The following PRKCE variants were observed in gnomAD, a reference collection of about 807,000 sequenced individuals.
PRKCE encodes protein kinase C epsilon, also known as protein kinase C epsilon type.
A neutral mutation model predicts 85.4 loss-of-function variants in PRKCE; 16 were observed. That is an observed-to-expected ratio of 0.19 (90% CI 0.13 to 0.28). The LOEUF (loss-of-function observed/expected upper bound fraction) is 0.28. Among genes scored for constraint, PRKCE ranks in the 10% least tolerant of loss-of-function variants. PRKCE has a pLI of 1.00. For missense variants in PRKCE, 573 were observed against 975.2 expected, an observed-to-expected ratio of 0.59 and a Z score of 5.49; for synonymous variants, 388 against 371.5, an observed-to-expected ratio of 1.04 and a Z score of -0.51.
chr2:45,674,414 G>C (rs956470632), intron 1 of PRKCE, among the ~76,000 whole-genome samples: 1 of 152,156 alleles, frequency 6.6e-6, no homozygotes, highest in Non-Finnish European at 1.5e-5. Flanking sequence ...ATGGACTTTT[G>C]GGTCAAGAGG....
intron 2 of PRKCE, among the ~76,000 whole-genome samples, chr2:45,928,539 G>T (rs1294085125): frequency 6.6e-6 from 1 of 152,192 alleles, no homozygotes; most frequent in Non-Finnish European, 1.5e-5. Flanking sequence ...CAAAGTGCTA[G>T]GATTACAGGC....
At chr2:45,824,342 CA>C (rs1414152117) in intron 1 of PRKCE, among the ~76,000 whole-genome samples, 1 of 152,152 alleles carries the variant, frequency 6.6e-6, no homozygotes, top group Non-Finnish European at 1.5e-5. Context: ...AAGCCCTTAC[CA>C]TTGTGAATCC....
chr2:45,748,416 C>G (rs1425120035), intron 1 of PRKCE, among the ~76,000 whole-genome samples: 4 of 152,236 alleles, frequency 2.6e-5, no homozygotes, highest in African/African-American at 9.6e-5. Flanking sequence ...AGAGCGCAAG[C>G]AAGCTTCACA....
intron 1 of PRKCE, among the ~76,000 whole-genome samples, chr2:45,709,085 T>C (rs1679376206): frequency 6.6e-6 from 1 of 152,258 alleles, no homozygotes; most frequent in African/African-American, 2.4e-5. Context: ...AAGTGGGATT[T>C]GTGGAACTTA....
At chr2:46,097,519 C>CAAAAAAAAAAAAAAAAAAAAAAAAAAAA (rs66634467) in intron 11 of PRKCE, among the ~76,000 whole-genome samples, 77 of 94,076 alleles carry the variant, frequency 8.2e-4, no homozygotes, top group Non-Finnish European at 1.2e-3. Context: ...GACTCCGTCT[C>CAAAAAAAAAAAAAAAAAAAAAAAAAAAA]AAAAAAAAAA....
intron 14 of PRKCE, among the ~76,000 whole-genome samples, chr2:46,161,259 A>G (rs1677731269): frequency 6.6e-6 from 1 of 152,242 alleles, no homozygotes. Context: ...CCCCTGGTAA[A>G]ATAGGGGAAG....
intron 6 of PRKCE, among the ~76,000 whole-genome samples, chr2:45,985,991 G>A (rs1309971007): frequency 6.6e-6 from 1 of 152,192 alleles, no homozygotes; most frequent in Non-Finnish European, 1.5e-5. Flanking sequence ...CATTGAGTAT[G>A]AAGAGAAAAA....
intron 1 of PRKCE, among the ~76,000 whole-genome samples, chr2:45,815,125 A>T (rs1688937652): frequency 6.6e-6 from 1 of 152,226 alleles, no homozygotes; most frequent in Admixed American, 6.5e-5. Flanking sequence ...TCCCCAAGCC[A>T]GAACCTCATT....
At chr2:46,120,451 C>T (rs562908304) in intron 11 of PRKCE, among the ~76,000 whole-genome samples, 7 of 152,214 alleles carry the variant, frequency 4.6e-5, no homozygotes, top group South Asian at 4.1e-4. Context: ...TCAGTAGTGC[C>T]CAGGCTGGAA....
chr2:46,093,373 C>G (rs1457261874), intron 11 of PRKCE, among the ~76,000 whole-genome samples: 1 of 151,136 alleles, frequency 6.6e-6, no homozygotes, highest in East Asian at 1.9e-4. Context: ...TGAATTAGTT[C>G]TACATGGTGT....
At chr2:45,993,117 G>A (rs139396229) in intron 6 of PRKCE, among the ~76,000 whole-genome samples, 137 of 151,810 alleles carry the variant, frequency 9.0e-4, no homozygotes, top group African/African-American at 3.1e-3. Flanking sequence ...AGGGGCTCAC[G>A]GCCTTTGGCC....
At chr2:45,883,177 C>T (rs558817469) in intron 2 of PRKCE, among the ~76,000 whole-genome samples, 19 of 152,342 alleles carry the variant, frequency 1.2e-4, no homozygotes, top group South Asian at 6.2e-4. Flanking sequence ...CACTGCATAT[C>T]GATGCTGCCA....
intron 14 of PRKCE, among the ~76,000 whole-genome samples, chr2:46,162,772 G>C (rs562702979): frequency 6.6e-6 from 1 of 152,220 alleles, no homozygotes; most frequent in South Asian, 2.1e-4. Context: ...TACAACCTTG[G>C]CACTAGAGAT....
At chr2:46,020,229 G>C (rs1317838063) in intron 10 of PRKCE, among the ~76,000 whole-genome samples, 5 of 152,010 alleles carry the variant, frequency 3.3e-5, no homozygotes, top group Admixed American at 6.5e-5. Flanking sequence ...TGGGTACACA[G>C]ACCCAGTATG....
At chr2:46,050,831 C>G (rs1708810076) in intron 10 of PRKCE, among the ~76,000 whole-genome samples, 1 of 152,178 alleles carries the variant, frequency 6.6e-6, no homozygotes, top group African/African-American at 2.4e-5. Context: ...TCATTCTTGT[C>G]AAAGTCTCAC....
chr2:45,920,879 T>C (rs1319670778), intron 2 of PRKCE, among the ~76,000 whole-genome samples: 3 of 152,222 alleles, frequency 2.0e-5, no homozygotes, highest in African/African-American at 7.2e-5. Context: ...ATTTATGGTG[T>C]GGGATTTATC....
intron 10 of PRKCE, among the ~76,000 whole-genome samples, chr2:46,016,882 C>T (rs1281773801): frequency 6.9e-6 from 1 of 145,870 alleles, no homozygotes. Context: ...GCACTCCAGC[C>T]TGGGGCAATA....
At chr2:45,858,524 C>T (rs1197747295) in intron 2 of PRKCE, among the ~76,000 whole-genome samples, 2 of 152,120 alleles carry the variant, frequency 1.3e-5, no homozygotes, top group African/African-American at 2.4e-5. Context: ...GGTCATATGT[C>T]CCTATGATCC....
intron 10 of PRKCE, among the ~76,000 whole-genome samples, chr2:46,062,943 T>C (rs1048280580): frequency 1.3e-5 from 2 of 152,218 alleles, no homozygotes; most frequent in Non-Finnish European, 1.5e-5. Context: ...CTTATTAATG[T>C]AGGTTTTCCT....
Sources: gnomAD v4.1 joint callset for allele counts (sites outside exome capture counted in the v4.1 genomes callset) on GRCh38, gnomAD v4.1.1 for gene constraint, MANE v1.5 for transcripts, NCBI Gene and HGNC (gene_info 2026-07-23, HGNC 2026-07-21) for gene names.